Variants in TNKS observed in about 807,000 individuals in gnomAD.
TNKS encodes the protein tankyrase.
A neutral mutation model predicts 135.8 loss-of-function variants in TNKS; 72 were observed. The ratio of observed to expected loss-of-function variants is 0.53; its 90% CI spans 0.44 to 0.64. TNKS has a LOEUF of 0.64. Among genes scored for constraint, TNKS ranks in the 30% least tolerant of loss-of-function variants. TNKS has a pLI of 0.00. For synonymous variants in TNKS, 849 were observed against 649.3 expected (o/e 1.31, Z -4.68); for missense variants, 1,769 against 1,674.0 (o/e 1.06, Z -0.99).
At chr8:9,761,422 G>C (rs923275682) in intron 20 of TNKS, 94 bp from the exon 21 acceptor site, 11 of 1,298,874 alleles carry the variant, frequency 8.5e-6, no homozygotes, top group Non-Finnish European at 1.2e-5. Context: ...TTCTTAATTT[G>C]AATGGTACTC....
chr8:9,570,466 C>T (rs914699137), intron 1 of TNKS, among the ~76,000 whole-genome samples: 2 of 152,132 alleles, frequency 1.3e-5, no homozygotes, highest in East Asian at 1.9e-4. Flanking sequence ...CCCTTGCTGG[C>T]GTGGTGGACA....
At position 9,555,998 on chromosome 8, in the gene TNKS, C is replaced by G. The variant is rs779979600; in HGVS notation, c.59C>G (p.Pro20Arg). 1.9e-6 allele frequency: 3 copies of G among 1,613,438 alleles called. No homozygotes were observed. The African/African-American group carries it at 4.0e-5, about 21-fold the overall frequency. ...CACCATCATCAACAACAGCTCCAGC[C>G]CGCCCCAGGGGCTTCAGCGCCGCCG... ...HHHHHQQQLQPAPGASAPPPP... is the reference protein window; with the variant it reads ...HHHHHQQQLQRAPGASAPPPP... The change falls in exon 1 of 27, where the codon CCC becomes CGC. Residue 20 changes from proline to arginine, a missense_variant. By Grantham distance (103) the Pro-to-Arg change is moderately radical. Coordinates refer to ENST00000310430, the MANE Select transcript of TNKS (RefSeq NM_003747.3).
Position 9,776,846 on chromosome 8 carries a change from T to C in TNKS, c.*110T>C. The C allele has an allele frequency of 9.5e-7, 1 of 1,053,020 alleles. No individual in the cohort carries two copies. The allele number at this position is 1,053,020 out of a possible 1,614,324, so 65.2% of individuals were successfully genotyped here. The stretch of plus-strand genomic sequence containing the variant: ...CTAGAAGTCCCTGACAGCCTAGAAA[T>C]AAGCTGTTTGTCTTCTATAAAGCAT... On this transcript the variant is annotated 3_prime_UTR_variant, in exon 27 of 27. Transcript: ENST00000310430.
At position 9,780,259 on chromosome 8, in the gene TNKS, G is replaced by A. The variant is rs1316231111; in HGVS notation, c.*3523G>A. 2.6e-5 allele frequency: 4 copies of A among 151,888 alleles called. No individual in the cohort carries two copies. Among genetic ancestry groups the A allele is most frequent in the Non-Finnish European group, 5.9e-5 (4 of 67,998 alleles). 9.4% of individuals were successfully genotyped at this position (151,888 alleles called of 1,614,324 possible). A position where few individuals can be genotyped will look rare whatever the true frequency, so the allele number is the denominator to read the frequency against. ...GTAAATGGCCTTGCAAACAGAAGTG[G>A]TGTGTATTTTCAAGCACCTTTCCCC... On this transcript the variant is annotated 3_prime_UTR_variant, in exon 27 of 27. Coordinates refer to ENST00000310430, the MANE Select transcript of TNKS (RefSeq NM_003747.3).
At chr8:9,685,047 G>A (rs572529594) in intron 5 of TNKS, among the ~76,000 whole-genome samples, 89 of 152,206 alleles carry the variant, frequency 5.8e-4, no homozygotes, top group Admixed American at 2.0e-3. Flanking sequence ...GGAGGAACAT[G>A]ATTTTAATTC....
intron 3 of TNKS, among the ~76,000 whole-genome samples, chr8:9,656,121 T>C (rs1801353712): frequency 6.6e-6 from 1 of 151,930 alleles, no homozygotes; most frequent in African/African-American, 2.4e-5. Context: ...GCCAATGCGA[T>C]CAACTGGAAG....
intron 2 of TNKS, among the ~76,000 whole-genome samples, chr8:9,592,758 T>C (rs150807053): frequency 7.2e-5 from 11 of 152,354 alleles, no homozygotes; most frequent in African/African-American, 2.4e-4. Context: ...CTTTTTTTTA[T>C]ATTACTCTGT....
At chr8:9,578,859 T>C (rs1798056184) in intron 1 of TNKS, among the ~76,000 whole-genome samples, 2 of 152,212 alleles carry the variant, frequency 1.3e-5, no homozygotes, top group Non-Finnish European at 2.9e-5. Flanking sequence ...CTTGTGAATA[T>C]AAAAATGCGA....
At chr8:9,762,937 TC>T (rs908042503) in intron 21 of TNKS, among the ~76,000 whole-genome samples, 2 of 151,454 alleles carry the variant, frequency 1.3e-5, no homozygotes, top group Non-Finnish European at 2.9e-5. Flanking sequence ...ATAAAATCAG[TC>T]CCCAAACATC....
intron 11 of TNKS, among the ~76,000 whole-genome samples, chr8:9,714,150 G>A (rs1044167179): frequency 1.3e-5 from 2 of 152,240 alleles, no homozygotes; most frequent in South Asian, 4.1e-4. Flanking sequence ...CCCAAAACCT[G>A]GTAATACATA....
chr8:9,576,400 A>G (rs1212976274), intron 1 of TNKS, among the ~76,000 whole-genome samples: 3 of 152,014 alleles, frequency 2.0e-5, no homozygotes, highest in African/African-American at 4.8e-5. Flanking sequence ...GCAGAAGGCA[A>G]AGGGGAAGCA....
At chr8:9,614,660 C>T (rs913447808) in intron 2 of TNKS, among the ~76,000 whole-genome samples, 1 of 152,146 alleles carries the variant, frequency 6.6e-6, no homozygotes. Flanking sequence ...GGTAGTGCCT[C>T]ATAACTTACA....
chr8:9,571,850 G>C (rs1429141972), intron 1 of TNKS, among the ~76,000 whole-genome samples: 1 of 152,066 alleles, frequency 6.6e-6, no homozygotes, highest in East Asian at 1.9e-4. Flanking sequence ...AATATAAAGA[G>C]TTTCTCACCT....
At chr8:9,583,524 C>G (rs1016489471) in intron 2 of TNKS, among the ~76,000 whole-genome samples, 7 of 151,840 alleles carry the variant, frequency 4.6e-5, no homozygotes, top group African/African-American at 1.7e-4. Flanking sequence ...GAGTCTTGCT[C>G]TGTCACCAGG....
At chr8:9,575,811 T>C (rs1473823699) in intron 1 of TNKS, among the ~76,000 whole-genome samples, 1 of 152,214 alleles carries the variant, frequency 6.6e-6, no homozygotes, top group Non-Finnish European at 1.5e-5. Flanking sequence ...GATTTAACTA[T>C]GAGTATTTTA....
rs529866387 is a variant in TNKS at position 9,724,150 on chromosome 8, A to G, written c.1922-2491A>G. Among the ~76,000 whole-genome samples the G allele has an allele frequency of 1.8e-4, 27 of 152,356 alleles. No individual in the cohort carries two copies. In the South Asian group the frequency reaches 5.2e-3, roughly 29 times the overall value. On this transcript the variant is annotated intron_variant, in intron 12 of 26. Transcript: ENST00000310430. Reference sequence around the variant, plus strand: ...CTTTAATCTTTGATTCTAGGTGACTATAATTTCATGTTCTACAGGCTGAGT... The same window carrying G: ...CTTTAATCTTTGATTCTAGGTGACTGTAATTTCATGTTCTACAGGCTGAGT...
chr8:9,734,919 G>A lies in TNKS; in HGVS notation c.2368G>A (p.Val790Ile). ...AGATGGAAATACACCTTTGGATTTG[G>A]TAAAGGAAGGAGACACAGATATTCA... is the stretch of plus-strand genomic sequence containing the variant. ...NRDGNTPLDL[V>I]KEGDTDIQDL... Residue 790 changes from valine to isoleucine, a missense_variant, in exon 16 of 27, where the codon GTA (valine) becomes ATA (isoleucine). Transcript: ENST00000310430. The A allele has an allele frequency of 6.2e-7, 1 of 1,614,162 alleles. No homozygotes were observed. The highest frequency in any genetic ancestry group is 8.5e-7 in the Non-Finnish European group (1 of 1,180,010).
chr8:9,725,524 A>T (rs1190478369), intron 12 of TNKS, among the ~76,000 whole-genome samples: 1 of 152,196 alleles, frequency 6.6e-6, no homozygotes, highest in Admixed American at 6.5e-5. Context: ...TCTTCATAGC[A>T]TCACTTGATC....
At chr8:9,679,139 T>C (rs527929413) in intron 3 of TNKS, among the ~76,000 whole-genome samples, 56 of 152,212 alleles carry the variant, frequency 3.7e-4, no homozygotes, top group Non-Finnish European at 7.5e-4. Flanking sequence ...TGTGATAAAA[T>C]AGAATGGGGG....
Sources: allele counts gnomAD v4.1 joint callset (sites outside exome capture counted in the v4.1 genomes callset), GRCh38; gene constraint gnomAD v4.1.1; transcripts MANE v1.5; gene names NCBI Gene and HGNC (gene_info 2026-07-23, HGNC 2026-07-21).